Variants in GDF5 observed in about 807,000 individuals in gnomAD.
GDF5 encodes the protein growth differentiation factor 5.
Under a neutral mutation model 34.6 loss-of-function variants are expected in GDF5, and 17 were observed. The observed-to-expected ratio is 0.49, with a 90% confidence interval of 0.34 to 0.74. The LOEUF is 0.74. Ranked by LOEUF, GDF5 falls within the 30% of genes least tolerant of loss-of-function variation. The pLI, the probability that GDF5 is intolerant of heterozygous loss-of-function variation, is 0.01. For missense variants in GDF5, 616 were observed against 661.2 expected (o/e 0.93, Z 0.75); for synonymous variants, 332 against 290.7 (o/e 1.14, Z -1.44).
At chr20:35,448,507 A>C (rs928911685) in intron 1 of GDF5, among the ~76,000 whole-genome samples, 3 of 120,334 alleles carry the variant, frequency 2.5e-5, no homozygotes, top group Non-Finnish European at 4.8e-5. Flanking sequence ...GCAGTGGAGC[A>C]ATCTTGGCTC....
Position 35,434,648 on chromosome 20 carries a change from C to T in GDF5, c.767G>A (p.Gly256Glu). 3.1e-6 allele frequency: 5 copies of T among 1,609,096 alleles called. No individual in the cohort carries two copies. The highest frequency in any genetic ancestry group is 4.2e-6 in the Non-Finnish European group (5 of 1,176,616). Residue 256 changes from glycine to glutamate, a missense_variant, in exon 2 of 2, where the codon GGA (glycine) becomes GAA (glutamate). Gly to Glu is a moderately conservative substitution (Grantham distance 98). Transcript: ENST00000374369. ...PSDTAKPAAP[G>E]GGRAAQLKLS... is the part of the protein sequence containing the mutation. ...CTTCAGCTGGGCAGCCCGCCCGCCTCCGGGGGCCGCTGGCTTGGCCGTGTC... is the reference window on the plus strand; with the variant it reads ...CTTCAGCTGGGCAGCCCGCCCGCCTTCGGGGGCCGCTGGCTTGGCCGTGTC...
rs2062458313 is a variant in GDF5 at position 35,434,259 on chromosome 20, T to C, written c.1156A>G (p.Thr386Ala). The C allele has an allele frequency of 6.2e-7, 1 of 1,613,682 alleles. No homozygotes were observed. ...QRRKRRAPLATRQGKRPSKNL... is the reference protein window; with the variant it reads ...QRRKRRAPLAARQGKRPSKNL... ...TTGCTGGGTCGCTTGCCCTGGCGAGTGGCCAGTGGGGCCCGCCGTTTTCGC... is the reference window on the plus strand; with the variant it reads ...TTGCTGGGTCGCTTGCCCTGGCGAGCGGCCAGTGGGGCCCGCCGTTTTCGC... The change falls in exon 2 of 2, where the codon ACT becomes GCT. Residue 386 changes from threonine to alanine, a missense_variant. By Grantham distance (58) the Thr-to-Ala change is moderately conservative. Transcript: ENST00000374369.
At chr20:35,450,920 C>T (rs1323402018) in intron 1 of GDF5, among the ~76,000 whole-genome samples, 1 of 151,500 alleles carries the variant, frequency 6.6e-6, no homozygotes, top group African/African-American at 2.4e-5. Flanking sequence ...TAATCTTCCC[C>T]AAGGAGGAAT....
upstream of GDF5, among the ~76,000 whole-genome samples, chr20:35,438,643 G>C (rs996316268): frequency 6.6e-6 from 1 of 152,174 alleles, no homozygotes; most frequent in African/African-American, 2.4e-5. Context: ...GCAGACTCAG[G>C]GGTCTTCACC....
intron 1 of GDF5, among the ~76,000 whole-genome samples, chr20:35,449,317 C>T (rs1173743382): frequency 6.6e-6 from 1 of 151,876 alleles, no homozygotes; most frequent in East Asian, 1.9e-4. Context: ...GCTGTGTTGC[C>T]CAGGTTGGAG....
At position 35,433,733 on chromosome 20, in the gene GDF5, T is replaced by A; in HGVS notation, c.*176A>T. 1.4e-6 allele frequency: 1 copy of A among 693,828 alleles called. No homozygotes were observed. Among genetic ancestry groups the A allele is most frequent in the Non-Finnish European group, 2.6e-6 (1 of 384,732 alleles). 43.0% of individuals were successfully genotyped at this position (693,828 alleles called of 1,614,324 possible). ...ATCCTCAGCCAGGGGAACTTGTGGA[T>A]AAAAGGGGGCCTTTAGCCCAAGTCA... On this transcript the variant is annotated 3_prime_UTR_variant, in exon 2 of 2. Transcript: ENST00000374369.
At chr20:35,445,984 AAAAT>A (rs1276238107) in intron 1 of GDF5, among the ~76,000 whole-genome samples, 2 of 149,916 alleles carry the variant, frequency 1.3e-5, no homozygotes, top group South Asian at 2.1e-4. Flanking sequence ...AATAATAATA[AAAAT>A]AAATAAATAA....
At chr20:35,442,056 G>T (rs747733771), upstream of GDF5, among the ~76,000 whole-genome samples, 30 of 152,110 alleles carry the variant, frequency 2.0e-4, no homozygotes, top group Non-Finnish European at 4.4e-5. Flanking sequence ...GCCCAGGCTG[G>T]TCTCAAATTT....
chr20:35,444,751 T>C lies in GDF5; in HGVS notation c.-397-3364A>G, dbSNP rs147787614. On this transcript the variant is annotated intron_variant, in intron 1 of 3. Coordinates refer to the GDF5 transcript ENST00000374372. ...CTGGGATTACAGGTGCCCGTCACCATGCCCAGCTAATTTTTGTATTTTTAG... is the reference window on the plus strand; with the variant it reads ...CTGGGATTACAGGTGCCCGTCACCACGCCCAGCTAATTTTTGTATTTTTAG... Among the ~76,000 whole-genome samples, 190 of 152,244 alleles carry C rather than the reference T, an allele frequency of 1.2e-3. 1 individual carries two copies. The highest frequency in any genetic ancestry group is 4.4e-3 in the African/African-American group (182 of 41,536).
chr20:35,434,500 G>A lies in GDF5; in HGVS notation c.915C>T (p.Asn305=). The stretch of plus-strand genomic sequence containing the variant: ...CCAGCTCCAGGCACAGCTGGGCCGA[G>A]TTCTTAAAGTTTCGGAAGAGCTTCC... ...DIWKLFRNFK[N]SAQLCLELEA... Residue 305 remains asparagine, a synonymous_variant, in exon 2 of 2, where the codon AAC becomes AAT. Transcript: ENST00000374369. 4 of 1,608,072 alleles carry A rather than the reference G, an allele frequency of 2.5e-6. No individual in the cohort carries two copies. The highest frequency in any genetic ancestry group is 3.4e-6 in the Non-Finnish European group (4 of 1,176,700).
chr20:35,454,169 C>A (rs1047443623), intron 1 of GDF5: 4 of 379,574 alleles, frequency 1.1e-5, no homozygotes, highest in Non-Finnish European at 2.2e-5. Flanking sequence ...AATTTATACA[C>A]AAGGCCGGGC....
At chr20:35,451,612 A>T (rs1221773850) in intron 1 of GDF5, among the ~76,000 whole-genome samples, 7 of 119,906 alleles carry the variant, frequency 5.8e-5, no homozygotes, top group Non-Finnish European at 5.0e-5. Flanking sequence ...ACAGGGTCTT[A>T]CTCCTGTCAC....
rs867399514 is a variant in GDF5 at position 35,437,830 on chromosome 20, C to T, written c.99G>A (p.Gln33=). Reference sequence around the variant, plus strand: ...ATCCTGGCCTGGTCCCCTGGGGTCTCTGGCCCAAGTCAGGGGCACCCAACA... The same window carrying T: ...ATCCTGGCCTGGTCCCCTGGGGTCTTTGGCCCAAGTCAGGGGCACCCAACA... ...CTVLGAPDLG[Q]RPQGTRPGLA... is the part of the protein sequence containing the mutation. Residue 33 remains glutamine, a synonymous_variant, in exon 1 of 2, where the codon CAG becomes CAA. Coordinates refer to ENST00000374369, the MANE Select transcript of GDF5 (RefSeq NM_000557.5). 1 of 1,613,934 alleles carries T rather than the reference C, an allele frequency of 6.2e-7. No individual in the cohort carries two copies. Among genetic ancestry groups the T allele is most frequent in the Non-Finnish European group, 8.5e-7 (1 of 1,179,908 alleles).
chr20:35,448,448 C>CTTTTTTTTT (rs34209210), intron 1 of GDF5, among the ~76,000 whole-genome samples: 7 of 86,750 alleles, frequency 8.1e-5, no homozygotes, highest in African/African-American at 1.5e-4. Flanking sequence ...GCCCCCCCGA[C>CTTTTTTTTT]TTTTTTTTTT....
chr20:35,434,817 C>G, intron 1 of GDF5, 34 bp from the exon 2 acceptor site: 1 of 1,609,588 alleles, frequency 6.2e-7, no homozygotes, highest in Non-Finnish European at 8.5e-7. Flanking sequence ...TTCCCTGCAA[C>G]CTCACCAAGG....
Position 35,437,381 on chromosome 20 carries a change from G to A in GDF5, c.548C>T (p.Ala183Val). 6.2e-7 allele frequency: 1 copy of A among 1,612,798 alleles called. No homozygotes were observed. Among genetic ancestry groups the A allele is most frequent in the Non-Finnish European group, 8.5e-7 (1 of 1,178,940 alleles). The change falls in exon 1 of 2, where the codon GCT (alanine) becomes GTT (valine). Residue 183 changes from alanine (A) to valine (V), a missense_variant. Physicochemically the swap from Ala to Val is moderately conservative, Grantham distance 64. Transcript: ENST00000374369. The part of the protein sequence containing the change: ...MLSLYRTLSD[A>V]DRKGGNSSVK... The stretch of plus-strand genomic sequence containing the variant: ...GCTGCTGTTGCCTCCCTTTCTGTCA[G>A]CATCGGACAGCGTCCTGTACAGCGA...
At chr20:35,441,204 T>C (rs2062496542), upstream of GDF5, 1 of 152,076 alleles carries the variant, frequency 6.6e-6, no homozygotes, top group South Asian at 2.1e-4. Flanking sequence ...CCTCTGAAAC[T>C]CTAAACAGTG....
Position 35,451,056 on chromosome 20 carries a change from A to AT in GDF5, c.-398+3583_-398+3584insA, listed in dbSNP as rs2062530262. On this transcript the variant is annotated intron_variant, in intron 1 of 3. Coordinates refer to the GDF5 transcript ENST00000374372. ...TTAGACTAACAGAAAAAAAAAAAAA[A>AT]AAAAAAAAATATATATATATATATA... Among the ~76,000 whole-genome samples, 218 of 66,992 alleles carry AT rather than the reference A, an allele frequency of 3.3e-3. 5 individuals carry two copies. The highest frequency in any genetic ancestry group is 4.8e-3 in the Non-Finnish European group (169 of 35,220). 43.9% of individuals were successfully genotyped at this position (66,992 alleles called of 152,430 possible). A position where few individuals can be genotyped will look rare whatever the true frequency, so the allele number is the denominator to read the frequency against.
chr20:35,451,535 A>C (rs1401286578), intron 1 of GDF5, among the ~76,000 whole-genome samples: 1 of 150,378 alleles, frequency 6.6e-6, no homozygotes, highest in Non-Finnish European at 1.5e-5. Context: ...TACGTCTCAA[A>C]TGCTCCATGC....
Sources: gnomAD v4.1 joint callset for allele counts (sites outside exome capture counted in the v4.1 genomes callset) on GRCh38, gnomAD v4.1.1 for gene constraint, MANE v1.5 for transcripts, NCBI Gene and HGNC (gene_info 2026-07-23, HGNC 2026-07-21) for gene names.